The following CECR2 variants were observed in gnomAD, a reference collection of about 807,000 sequenced individuals.
CECR2 encodes the protein CECR2 histone acetyl-lysine reader.
CECR2 carries 30 observed loss-of-function variants against 154.5 expected under a neutral mutation model. The observed-to-expected ratio is 0.19, with a 90% CI of 0.15 to 0.26. The LOEUF is 0.26. Ranked by LOEUF, CECR2 falls within the 10% of genes least tolerant of loss-of-function variation. The probability of loss-of-function intolerance (pLI) is 1.00; values close to 1 mark genes in which losing one functional copy is unlikely to be tolerated. For synonymous variants in CECR2, 725 were observed against 683.7 expected (o/e 1.06, Z -0.94); for missense variants, 1,743 against 1,829.3 (o/e 0.95, Z 0.86).
In CECR2 at chr22:17,500,228, G is replaced by A. The variant is rs200171433; in HGVS notation, c.546-403G>A. 1.5e-3 allele frequency among the ~76,000 whole-genome samples: 183 copies of A among 122,750 alleles called. 2 individuals are homozygous for A. Among genetic ancestry groups the A allele is most frequent in the African/African-American group, 5.1e-3 (166 of 32,656 alleles). The allele number at this position is 122,750 out of a possible 152,430, so 80.5% of individuals were successfully genotyped here. ...TCCATCAAAAAAAAAAAAAAAAAAA[G>A]AATTTAATGATGTAGTTTATGAACG... On this transcript the variant is annotated intron_variant, in intron 4 of 18. Coordinates refer to ENST00000262608, the MANE Select transcript of CECR2 (RefSeq NM_001290047.2).
intron 13 of CECR2, 35 bp from the exon 14 acceptor site, chr22:17,540,377 T>G (rs181991646): frequency 1.4e-6 from 2 of 1,471,448 alleles, no homozygotes; most frequent in East Asian, 4.7e-5. Context: ...TTCTGTAAAC[T>G]ATACCTAGAA....
intron 1 of CECR2, among the ~76,000 whole-genome samples, chr22:17,440,390 C>CT (rs921349602): frequency 3.3e-5 from 5 of 152,166 alleles, no homozygotes; most frequent in Admixed American, 6.5e-5. Flanking sequence ...TACTTGGCCT[C>CT]TTTTTTGCCT....
intron 2 of CECR2, among the ~76,000 whole-genome samples, chr22:17,487,448 C>G (rs2055441236): frequency 6.6e-6 from 1 of 152,080 alleles, no homozygotes. Flanking sequence ...GCCTGTAATC[C>G]CAGCACTTTG....
intron 9 of CECR2, among the ~76,000 whole-genome samples, chr22:17,533,277 G>A (rs900839803): frequency 4.1e-5 from 6 of 146,424 alleles, no homozygotes; most frequent in Non-Finnish European, 8.9e-5. Flanking sequence ...TTAACATAGC[G>A]CCACCGCAGC....
intron 1 of CECR2, among the ~76,000 whole-genome samples, chr22:17,466,003 G>T (rs918757783): frequency 9.3e-5 from 14 of 149,750 alleles, no homozygotes; most frequent in Non-Finnish European, 2.1e-4. Flanking sequence ...ACTACCCCCC[G>T]CTCCTTTATT....
chr22:17,426,128 A>T (rs961072589), intron 1 of CECR2, among the ~76,000 whole-genome samples: 1 of 152,220 alleles, frequency 6.6e-6, no homozygotes, highest in South Asian at 2.1e-4. Context: ...CAAATCCCAG[A>T]CATCATATCA....
chr22:17,550,798 C>T (rs1393174335), intron 17 of CECR2, among the ~76,000 whole-genome samples: 20 of 152,170 alleles, frequency 1.3e-4, no homozygotes, highest in Admixed American at 1.1e-3. Flanking sequence ...AAAAATTAGC[C>T]GGGCGTGGTG....
chr22:17,457,437 A>C (rs1285659810), intron 1 of CECR2, among the ~76,000 whole-genome samples: 2 of 152,222 alleles, frequency 1.3e-5, no homozygotes, highest in Non-Finnish European at 2.9e-5. Context: ...CAATTCATTC[A>C]TAATACCTTT....
intron 1 of CECR2, among the ~76,000 whole-genome samples, chr22:17,391,711 A>C (rs1166575782): frequency 6.6e-6 from 1 of 152,266 alleles, no homozygotes; most frequent in Non-Finnish European, 1.5e-5. Flanking sequence ...TTGAATGATC[A>C]CATATTATTT....
intron 1 of CECR2, among the ~76,000 whole-genome samples, chr22:17,453,320 T>G (rs1472588227): frequency 6.6e-6 from 1 of 152,096 alleles, no homozygotes; most frequent in Non-Finnish European, 1.5e-5. Context: ...CGTATGCCTG[T>G]AATCCCAGCT....
chr22:17,388,664 G>C (rs1414560548), intron 1 of CECR2, among the ~76,000 whole-genome samples: 3 of 152,266 alleles, frequency 2.0e-5, no homozygotes, highest in Non-Finnish European at 2.9e-5. Flanking sequence ...ACTGAGTCAG[G>C]AGACATTTTA....
chr22:17,453,400 C>T (rs2054803210), intron 1 of CECR2, among the ~76,000 whole-genome samples: 1 of 152,116 alleles, frequency 6.6e-6, no homozygotes, highest in East Asian at 1.9e-4. Flanking sequence ...CGAGATTGCG[C>T]CATTGCACTC....
At chr22:17,476,295 C>T (rs1461405872) in intron 1 of CECR2, among the ~76,000 whole-genome samples, 6 of 151,654 alleles carry the variant, frequency 4.0e-5, no homozygotes, top group Non-Finnish European at 5.9e-5. Flanking sequence ...GACAGTGTCT[C>T]ACTCTGTCGC....
intron 2 of CECR2, among the ~76,000 whole-genome samples, chr22:17,487,482 TAGGTC>T (rs2055442277): frequency 6.6e-6 from 1 of 152,094 alleles, no homozygotes; most frequent in Admixed American, 6.6e-5. Context: ...GGTGGATCAC[TAGGTC>T]AGGAGATAGA....
intron 1 of CECR2, among the ~76,000 whole-genome samples, chr22:17,449,124 C>T (rs1218829981): frequency 6.6e-6 from 1 of 152,130 alleles, no homozygotes; most frequent in Non-Finnish European, 1.5e-5. Flanking sequence ...AGGGATCTGC[C>T]TGCCTCTGCC....
intron 1 of CECR2, among the ~76,000 whole-genome samples, chr22:17,473,607 G>A (rs765719291): frequency 1.2e-4 from 18 of 152,280 alleles, no homozygotes; most frequent in Middle Eastern, 6.8e-3. Context: ...ATCATTGTGA[G>A]GAAGATGAAA....
chr22:17,498,340 G>C (rs1055904703), intron 3 of CECR2, among the ~76,000 whole-genome samples: 2 of 151,570 alleles, frequency 1.3e-5, no homozygotes, highest in African/African-American at 4.9e-5. Context: ...GCAGTGAGCC[G>C]AGATTGCGCC....
At chr22:17,481,342 CAAAAAAAAAAAA>C (rs10714119) in intron 2 of CECR2, among the ~76,000 whole-genome samples, 2 of 73,778 alleles carry the variant, frequency 2.7e-5, no homozygotes, top group Non-Finnish European at 5.5e-5. Flanking sequence ...GACTCTGTCT[CAAAAAAAAAAAA>C]AAAAAAAAAG....
chr22:17,435,709 A>AC (rs1278016650), intron 1 of CECR2, among the ~76,000 whole-genome samples: 3 of 136,912 alleles, frequency 2.2e-5, no homozygotes, highest in African/African-American at 9.7e-5. Flanking sequence ...AAAAAAAAAA[A>AC]ACAGGAGCAG....
Sources: gnomAD v4.1 joint callset for allele counts (sites outside exome capture counted in the v4.1 genomes callset) on GRCh38, gnomAD v4.1.1 for gene constraint, MANE v1.5 for transcripts, NCBI Gene and HGNC (gene_info 2026-07-23, HGNC 2026-07-21) for gene names.